Variants in GRM8 observed in about 807,000 individuals in gnomAD.
GRM8 encodes the protein glutamate metabotropic receptor 8, also known as metabotropic glutamate receptor 8.
Under a neutral mutation model 87.2 loss-of-function variants are expected in GRM8, and 47 were observed. The observed-to-expected ratio is 0.54, with a 90% CI of 0.43 to 0.69. The LOEUF (loss-of-function observed/expected upper bound fraction) is 0.69. GRM8 is among the 30% of genes least tolerant of loss of function. GRM8 has a pLI of 0.00. For synonymous variants in GRM8, 396 were observed against 404.5 expected, an observed-to-expected ratio of 0.98 and a Z score of 0.25; for missense variants, 1,019 against 1,139.2, an observed-to-expected ratio of 0.89 and a Z score of 1.52.
chr7:126,512,652 G>C (rs1811562245), intron 9 of GRM8: 2 of 152,112 alleles, frequency 1.3e-5, no homozygotes, highest in Admixed American at 1.3e-4. Flanking sequence ...GACATTTCCA[G>C]GCTGCCTCAG....
At chr7:126,718,510 G>A (rs942235056) in intron 7 of GRM8, among the ~76,000 whole-genome samples, 1 of 152,158 alleles carries the variant, frequency 6.6e-6, no homozygotes, top group Non-Finnish European at 1.5e-5. Flanking sequence ...CTAGTGAGTT[G>A]TTTTGCTGCT....
intron 3 of GRM8, among the ~76,000 whole-genome samples, chr7:127,081,458 C>G (rs981533535): frequency 2.6e-5 from 4 of 152,226 alleles, no homozygotes; most frequent in African/African-American, 7.2e-5. Context: ...TGTGTTCCCA[C>G]AGAACCTTAG....
At chr7:127,125,981 T>A (rs1181257170) in intron 2 of GRM8, among the ~76,000 whole-genome samples, 1 of 149,988 alleles carries the variant, frequency 6.7e-6, no homozygotes, top group Non-Finnish European at 1.5e-5. Flanking sequence ...AAACAACAGA[T>A]GTTGGTGAGG....
intron 7 of GRM8, among the ~76,000 whole-genome samples, chr7:126,613,026 C>G (rs1379008640): frequency 6.6e-6 from 1 of 152,176 alleles, no homozygotes; most frequent in Non-Finnish European, 1.5e-5. Context: ...TCTTGTTTTC[C>G]TAATGCGATT....
intron 2 of GRM8, among the ~76,000 whole-genome samples, chr7:127,220,392 C>T (rs73457052): frequency 6.6e-6 from 1 of 152,258 alleles, no homozygotes; most frequent in African/African-American, 2.4e-5. Context: ...TTTAATAAGC[C>T]TTCCATCTAA....
intron 6 of GRM8, among the ~76,000 whole-genome samples, chr7:126,844,207 T>C (rs1456595360): frequency 6.6e-6 from 1 of 152,196 alleles, no homozygotes; most frequent in African/African-American, 2.4e-5. Flanking sequence ...TATTGTACCA[T>C]TCCTTTGGGG....
Position 126,770,038 on chromosome 7 carries a change from G to A in GRM8, c.1184C>T (p.Ser395Phe). The A allele has an allele frequency of 6.2e-7, 1 of 1,612,348 alleles. No homozygotes were observed. The highest frequency in any genetic ancestry group is 8.5e-7 in the Non-Finnish European group (1 of 1,178,954). The change falls in exon 7 of 11, where the codon TCT becomes TTT. Residue 395 changes from serine to phenylalanine, a missense_variant. Transcript: ENST00000339582. ...TGLERIARDSSYEQEGKVQFV... is the reference protein window; with the variant it reads ...TGLERIARDSFYEQEGKVQFV... ...TTGGACCTTTCCTTCCTGTTCATAA[G>A]ATGAATCCCGAGCAATTCGCTCCAG...
chr7:126,607,571 A>G (rs1470260339), intron 8 of GRM8, among the ~76,000 whole-genome samples: 1 of 152,188 alleles, frequency 6.6e-6, no homozygotes, highest in Non-Finnish European at 1.5e-5. Flanking sequence ...CAAGAAGAGG[A>G]GATGTTTTTT....
intron 3 of GRM8, among the ~76,000 whole-genome samples, chr7:127,050,461 G>T (rs1292995934): frequency 6.6e-6 from 1 of 152,186 alleles, no homozygotes; most frequent in Non-Finnish European, 1.5e-5. Context: ...CTACCAACCT[G>T]AATTGTTTAT....
Position 126,936,250 on chromosome 7 carries a change from C to G in GRM8, c.728-31567G>C, listed in dbSNP as rs1250926070. Among the ~76,000 whole-genome samples the G allele has an allele frequency of 2.0e-5, 3 of 152,146 alleles. No individual in the cohort carries two copies. In the East Asian group the frequency reaches 5.8e-4, roughly 29 times the overall value. On this transcript the variant is annotated intron_variant, in intron 3 of 10. Transcript: ENST00000339582. ...TGTGATTTTTTTTCTTAAAACTCAA[C>G]TCACATTGTATTTGTAAGAACACAG...
chr7:126,518,610 T>C (rs565096133), intron 9 of GRM8, among the ~76,000 whole-genome samples: 1 of 152,152 alleles, frequency 6.6e-6, no homozygotes, highest in East Asian at 1.9e-4. Context: ...TCATGCTATG[T>C]TGATGTGAAT....
At chr7:126,939,381 T>G (rs1387148659) in intron 3 of GRM8, among the ~76,000 whole-genome samples, 1 of 152,226 alleles carries the variant, frequency 6.6e-6, no homozygotes, top group Non-Finnish European at 1.5e-5. Flanking sequence ...CCTAATTGAC[T>G]GATATTGGAC....
At chr7:126,556,269 G>T (rs778350748) in intron 8 of GRM8, among the ~76,000 whole-genome samples, 2 of 144,522 alleles carry the variant, frequency 1.4e-5, no homozygotes, top group Non-Finnish European at 3.0e-5. Context: ...ACCTACTATT[G>T]TAAATCCTCA....
intron 2 of GRM8, among the ~76,000 whole-genome samples, chr7:127,241,230 G>A (rs990621071): frequency 2.0e-5 from 3 of 152,204 alleles, no homozygotes; most frequent in African/African-American, 4.8e-5. Context: ...GTGTTACAAA[G>A]AGGATTCCAG....
At chr7:127,111,381 TCTC>T (rs1400573742) in intron 2 of GRM8, among the ~76,000 whole-genome samples, 10 of 152,150 alleles carry the variant, frequency 6.6e-5, no homozygotes, top group African/African-American at 2.2e-4. Context: ...TAGTGTCTGT[TCTC>T]CTTCTAGATG....
At chr7:126,743,391 T>C (rs1815239998) in intron 7 of GRM8, among the ~76,000 whole-genome samples, 1 of 152,148 alleles carries the variant, frequency 6.6e-6, no homozygotes, top group Non-Finnish European at 1.5e-5. Flanking sequence ...GTGGATGTGC[T>C]ATTAAAATGA....
chr7:126,937,389 C>T (rs1330123857), intron 3 of GRM8, among the ~76,000 whole-genome samples: 1 of 152,182 alleles, frequency 6.6e-6, no homozygotes, highest in East Asian at 1.9e-4. Flanking sequence ...GCGGGTATTA[C>T]ATTGCCAAAG....
intron 2 of GRM8, among the ~76,000 whole-genome samples, chr7:127,239,938 T>C (rs1798189266): frequency 6.6e-6 from 1 of 152,214 alleles, no homozygotes; most frequent in African/African-American, 2.4e-5. Flanking sequence ...TTTGCTTCTG[T>C]AGGTTAAACG....
chr7:126,794,034 A>G (rs1821666487), intron 6 of GRM8, among the ~76,000 whole-genome samples: 1 of 152,164 alleles, frequency 6.6e-6, no homozygotes, highest in East Asian at 1.9e-4. Flanking sequence ...GCCCTTGAAA[A>G]TAACACATAA....
Sources: gnomAD v4.1 joint callset for allele counts (sites outside exome capture counted in the v4.1 genomes callset) on GRCh38, gnomAD v4.1.1 for gene constraint, MANE v1.5 for transcripts, NCBI Gene and HGNC (gene_info 2026-07-23, HGNC 2026-07-21) for gene names.